CACUL1: variants seen among roughly 807,000 people sequenced by gnomAD.
CACUL1 encodes the protein CDK2 associated cullin domain 1, also known as CDK2-associated and cullin domain-containing protein 1.
A neutral mutation model predicts 45.2 loss-of-function variants in CACUL1; 13 were observed. That is an observed-to-expected ratio of 0.29 (90% confidence interval 0.19 to 0.46). The LOEUF (loss-of-function observed/expected upper bound fraction) is 0.46, where lower values mean the gene tolerates loss of function less well. Ranked by LOEUF, CACUL1 falls within the 20% of genes least tolerant of loss-of-function variation. CACUL1 has a pLI of 1.00. For missense variants in CACUL1, 421 were observed against 471.4 expected (o/e 0.89, Z 0.99); for synonymous variants, 197 against 174.2 (o/e 1.13, Z -1.03).
chr10:118,701,605 G>A (rs549738747), intron 4 of CACUL1, among the ~76,000 whole-genome samples, 197 bp from the exon 5 acceptor site: 1 of 152,260 alleles, frequency 6.6e-6, no homozygotes, highest in South Asian at 2.1e-4. Flanking sequence ...ATAAAAAAAT[G>A]TTTTGAACTA....
rs1191149166 is a variant in CACUL1, at chr10:118,682,845, T to TTCAC, written c.*3279_*3282dup. The stretch of plus-strand genomic sequence containing the variant: ...AATCTCATCTACCCACAAATTAGCT[T>TTCAC]TCACTCTAGACCCCAAAGGGAGGGT... On this transcript the variant is annotated 3_prime_UTR_variant, in exon 9 of 9. Transcript: ENST00000369151. 1 of 152,564 alleles carries TTCAC rather than the reference T, an allele frequency of 6.6e-6. No individual in the cohort carries two copies. The highest frequency in any genetic ancestry group is 6.5e-5 in the Admixed American group (1 of 15,286). 9.5% of individuals were successfully genotyped at this position (152,564 alleles called of 1,614,324 possible).
chr10:118,700,171 T>C (rs1400025106), intron 5 of CACUL1, among the ~76,000 whole-genome samples: 5 of 152,050 alleles, frequency 3.3e-5, no homozygotes, highest in Non-Finnish European at 7.4e-5. Flanking sequence ...TTGTAGATTC[T>C]GGTAAAAGTT....
intron 6 of CACUL1, chr10:118,693,710 AG>A (rs1448953268): frequency 2.2e-6 from 1 of 456,888 alleles, no homozygotes; most frequent in Admixed American, 2.3e-5. Context: ...ACACTATTTC[AG>A]GAGCCATCTT....
intron 3 of CACUL1, among the ~76,000 whole-genome samples, chr10:118,721,705 G>T (rs1359905748): frequency 2.6e-5 from 4 of 151,602 alleles, no homozygotes; most frequent in Non-Finnish European, 4.4e-5. Context: ...TGTTTACTGG[G>T]GCTAACGTAC....
chr10:118,689,608 C>T (rs1845241630), intron 7 of CACUL1, among the ~76,000 whole-genome samples: 1 of 152,104 alleles, frequency 6.6e-6, no homozygotes. Context: ...CATGTTTGTC[C>T]TTCATGTGCA....
intron 5 of CACUL1, 116 bp from the exon 6 acceptor site, chr10:118,695,346 C>A: frequency 1.5e-6 from 1 of 647,076 alleles, no homozygotes; most frequent in South Asian, 1.6e-5. Flanking sequence ...AAGGAACAGT[C>A]CAATAAACCA....
At chr10:118,730,462 C>T (rs1271054877) in intron 1 of CACUL1, 52 bp from the exon 2 acceptor site, 15 of 1,518,356 alleles carry the variant, frequency 9.9e-6, no homozygotes, top group Non-Finnish European at 1.3e-5. Flanking sequence ...GTGGAGCAAA[C>T]ACAAATCACA....
chr10:118,725,661 C>T (rs1845645302), intron 3 of CACUL1, among the ~76,000 whole-genome samples: 1 of 151,686 alleles, frequency 6.6e-6, no homozygotes, highest in African/African-American at 2.4e-5. Context: ...AGTTTAACAA[C>T]ACAACAAAAA....
intron 5 of CACUL1, among the ~76,000 whole-genome samples, chr10:118,696,453 C>T (rs1485380713): frequency 6.6e-6 from 1 of 152,152 alleles, no homozygotes; most frequent in African/African-American, 2.4e-5. Flanking sequence ...CCAACCTGGC[C>T]AACTTGGTGA....
intron 1 of CACUL1, among the ~76,000 whole-genome samples, chr10:118,753,368 A>C (rs1384470298): frequency 6.6e-6 from 1 of 152,262 alleles, no homozygotes; most frequent in African/African-American, 2.4e-5. Flanking sequence ...CTGCACAGCT[A>C]ACTGGACAAG....
Position 118,707,532 on chromosome 10 carries a change from A to G in CACUL1, c.653T>C (p.Met218Thr), listed in dbSNP as rs1173947321. ...AGGCACAATGCTCTGCAATGCTCCC[A>G]TATATTGTCCAAGAGCTATATTAAA... ...ERFNIALGQY[M>T]GALQSIVPLF... is the part of the protein sequence containing the mutation. Residue 218 changes from methionine to threonine, a missense_variant, in exon 4 of 9, where the codon ATG (methionine) becomes ACG (threonine). Around this residue, in one of 2 missense-constraint regions of CACUL1, gnomAD observed 208 missense variants for 298.4 expected, o/e 0.70. Transcript: ENST00000369151. 3 of 1,588,500 alleles carry G rather than the reference A, an allele frequency of 1.9e-6. No individual in the cohort carries two copies. The highest frequency in any genetic ancestry group is 3.3e-5 in the Admixed American group (2 of 59,926).
chr10:118,695,505 T>A (rs1448806255), intron 5 of CACUL1, among the ~76,000 whole-genome samples: 1 of 152,362 alleles, frequency 6.6e-6, no homozygotes, highest in East Asian at 1.9e-4. Flanking sequence ...TAGTATAATG[T>A]ATCATGAATG....
chr10:118,708,583 G>T (rs2119593690), intron 3 of CACUL1, among the ~76,000 whole-genome samples: 1 of 152,092 alleles, frequency 6.6e-6, no homozygotes, highest in African/African-American at 2.4e-5. Context: ...TGTGTTCCTC[G>T]AAAATTCCTA....
intron 3 of CACUL1, among the ~76,000 whole-genome samples, chr10:118,726,123 A>C (rs1327215704): frequency 1.3e-5 from 2 of 152,212 alleles, no homozygotes; most frequent in Non-Finnish European, 2.9e-5. Flanking sequence ...CCAGAGCTGC[A>C]AACAAAATGC....
At chr10:118,726,408 T>C (rs976011569) in intron 3 of CACUL1, 3 of 1,029,598 alleles carry the variant, frequency 2.9e-6, no homozygotes, top group Non-Finnish European at 3.9e-6. Context: ...TGGCAGACAC[T>C]AAGGATAAAA....
At chr10:118,753,245 G>A (rs1845914936) in intron 1 of CACUL1, among the ~76,000 whole-genome samples, 1 of 152,164 alleles carries the variant, frequency 6.6e-6, no homozygotes, top group Non-Finnish European at 1.5e-5. Context: ...CTTACCAAAC[G>A]TACATATCAA....
intron 1 of CACUL1, among the ~76,000 whole-genome samples, chr10:118,753,491 A>G (rs1015778396): frequency 4.6e-5 from 7 of 152,234 alleles, no homozygotes; most frequent in African/African-American, 1.7e-4. Context: ...GATGGTCACA[A>G]TCATTTTCAA....
intron 1 of CACUL1, among the ~76,000 whole-genome samples, chr10:118,732,536 G>A (rs1220588845): frequency 6.6e-6 from 1 of 152,076 alleles, no homozygotes; most frequent in African/African-American, 2.4e-5. Context: ...AGAAATTGTG[G>A]GAGAATTAAC....
intron 5 of CACUL1, among the ~76,000 whole-genome samples, chr10:118,696,706 G>C (rs1460074713): frequency 6.6e-6 from 1 of 152,272 alleles, no homozygotes; most frequent in East Asian, 1.9e-4. Flanking sequence ...GCCGCATGCG[G>C]CCCGCAGGCC....
Sources: gnomAD v4.1 joint callset for allele counts (sites outside exome capture counted in the v4.1 genomes callset) on GRCh38, gnomAD v4.1.1 for gene constraint, gnomAD v4.1.1 regional missense constraint, MANE v1.5 for transcripts, NCBI Gene and HGNC (gene_info 2026-07-23, HGNC 2026-07-21) for gene names.